The following PCDH11X variants were observed in gnomAD, a reference collection of about 807,000 sequenced individuals.
PCDH11X encodes protocadherin-11 X-linked.
PCDH11X carries 18 observed loss-of-function variants against 53.3 expected under a neutral mutation model. That is an observed-to-expected ratio of 0.34 (90% CI 0.23 to 0.50). PCDH11X has a LOEUF of 0.50. Among genes scored for constraint, PCDH11X ranks in the 20% least tolerant of loss-of-function variants. The pLI, the probability that PCDH11X is intolerant of heterozygous loss-of-function variation, is 0.98. For missense variants in PCDH11X, 570 were observed against 1,032.4 expected (o/e 0.55, Z 6.14); for synonymous variants, 279 against 393.3 (o/e 0.71, Z 3.44).
intron 6 of PCDH11X, among the ~76,000 whole-genome samples, chrX:92,116,689 G>C (rs776828564): frequency 9.0e-6 from 1 of 111,073 alleles, no homozygotes; most frequent in Admixed American, 9.7e-5. Flanking sequence ...AGGCTCAAGC[G>C]ATCCTCACTC....
At chrX:92,544,793 T>G (rs1373729635) in intron 10 of PCDH11X, among the ~76,000 whole-genome samples, 4 of 109,365 alleles carry the variant, frequency 3.7e-5, no homozygotes, top group Non-Finnish European at 7.6e-5. Context: ...TGGAGGAAAT[T>G]TACTGGTGTG....
chrX:92,305,722 C>A (rs1264243429), intron 8 of PCDH11X, among the ~76,000 whole-genome samples: 1 of 109,647 alleles, frequency 9.1e-6, no homozygotes, highest in African/African-American at 3.3e-5. Context: ...GTGGAATCTA[C>A]CTAGAGGAAG....
intron 6 of PCDH11X, among the ~76,000 whole-genome samples, chrX:92,080,966 C>G (rs112421281): frequency 9.0e-6 from 1 of 110,744 alleles, no homozygotes; most frequent in African/African-American, 3.3e-5. Context: ...GGGAAGACAT[C>G]TTTCACATGG....
chrX:92,508,105 G>A (rs1416168508), intron 10 of PCDH11X, among the ~76,000 whole-genome samples: 52 of 111,416 alleles, frequency 4.7e-4, no homozygotes, highest in African/African-American at 1.3e-3. Flanking sequence ...GTGAGCCACC[G>A]CACCCAGTCC....
intron 10 of PCDH11X, among the ~76,000 whole-genome samples, chrX:92,512,647 C>T (rs113339046): frequency 9.9e-4 from 111 of 111,938 alleles, no homozygotes; most frequent in African/African-American, 3.4e-3. Flanking sequence ...ACTGAGCCAG[C>T]GTGTCACAGT....
At chrX:91,933,704 T>G (rs1356774554) in intron 6 of PCDH11X, among the ~76,000 whole-genome samples, 1 of 111,575 alleles carries the variant, frequency 9.0e-6, no homozygotes, top group Non-Finnish European at 1.9e-5. Context: ...ATTTATGAAC[T>G]GCTTAGGTAG....
Position 92,211,796 on chromosome X carries a change from TTTTTG to T in PCDH11X, c.3114+10355_3114+10359del, listed in dbSNP as rs774523935. Among the ~76,000 whole-genome samples, 34 of 111,364 alleles carry T rather than the reference TTTTTG, an allele frequency of 3.1e-4. No homozygotes were observed. The East Asian group carries it at 8.8e-3, about 29-fold the overall frequency. ...AGAATGAGTCACACACCGATTTGAG[TTTTTG>T]TTTTGTTTTGTTTATAAACAAAGCA... On this transcript the variant is annotated intron_variant, in intron 7 of 10. Transcript: ENST00000682573.
chrX:92,163,920 C>T (rs1421125938), intron 6 of PCDH11X, among the ~76,000 whole-genome samples: 3 of 110,470 alleles, frequency 2.7e-5, no homozygotes, highest in African/African-American at 1.0e-4. Context: ...CAAAATAACG[C>T]AAAGTTTTAG....
At chrX:92,243,263 T>A (rs188167159) in intron 7 of PCDH11X, among the ~76,000 whole-genome samples, 174 of 112,272 alleles carry the variant, frequency 1.5e-3, no homozygotes, top group African/African-American at 5.2e-3. Context: ...TTGAATTAAA[T>A]TTTAAATTAA....
chrX:91,788,896 T>C (rs1240292290), intron 1 of PCDH11X, among the ~76,000 whole-genome samples: 1 of 112,085 alleles, frequency 8.9e-6, no homozygotes, highest in Admixed American at 9.5e-5. Context: ...TCATATTATA[T>C]ATTTAGAATA....
At chrX:92,138,568 T>C (rs2065122177) in intron 6 of PCDH11X, among the ~76,000 whole-genome samples, 1 of 111,094 alleles carries the variant, frequency 9.0e-6, no homozygotes, top group African/African-American at 3.3e-5. Context: ...ATTGGAAATA[T>C]AATATCAAAT....
chrX:92,102,180 T>C (rs1308552472), intron 6 of PCDH11X, among the ~76,000 whole-genome samples: 2 of 110,959 alleles, frequency 1.8e-5, no homozygotes, highest in East Asian at 5.7e-4. Context: ...AAAGAGTGAG[T>C]ACAGCTGAAG....
chrX:92,127,080 G>A (rs1350947347), intron 6 of PCDH11X, among the ~76,000 whole-genome samples: 4 of 110,148 alleles, frequency 3.6e-5, no homozygotes, highest in Non-Finnish European at 7.6e-5. Flanking sequence ...AATGATTTTA[G>A]GATAGTATGA....
At chrX:92,149,937 C>T (rs1179269299) in intron 6 of PCDH11X, among the ~76,000 whole-genome samples, 2 of 111,388 alleles carry the variant, frequency 1.8e-5, no homozygotes. Context: ...TACTTTATTC[C>T]TTTTTATTGC....
intron 8 of PCDH11X, among the ~76,000 whole-genome samples, chrX:92,354,706 A>G (rs1265398491): frequency 9.0e-6 from 1 of 111,458 alleles, no homozygotes; most frequent in Non-Finnish European, 1.9e-5. Context: ...TTTTTTCATC[A>G]CTAAGGCAAG....
intron 5 of PCDH11X, among the ~76,000 whole-genome samples, chrX:91,836,497 G>A (rs976794879): frequency 2.8e-5 from 3 of 108,131 alleles, no homozygotes; most frequent in Non-Finnish European, 5.7e-5. Flanking sequence ...ATCTATTTGA[G>A]AGGTGACTAG....
intron 6 of PCDH11X, among the ~76,000 whole-genome samples, chrX:91,937,199 A>G (rs2061455421): frequency 9.1e-6 from 1 of 110,303 alleles, no homozygotes; most frequent in South Asian, 3.8e-4. Context: ...CTATAGCTCA[A>G]TATACATGAC....
intron 7 of PCDH11X, among the ~76,000 whole-genome samples, chrX:92,257,624 G>C (rs1256499682): frequency 8.9e-6 from 1 of 112,281 alleles, no homozygotes; most frequent in African/African-American, 3.2e-5. Context: ...AAAAGAAAGG[G>C]GCTACAGACC....
chrX:91,962,278 A>G (rs894279201), intron 6 of PCDH11X, among the ~76,000 whole-genome samples: 5 of 111,828 alleles, frequency 4.5e-5, no homozygotes, highest in African/African-American at 6.6e-5. Flanking sequence ...CCTACATACA[A>G]TGAGTCAACA....
Sources: gnomAD v4.1 joint callset for allele counts (sites outside exome capture counted in the v4.1 genomes callset) on GRCh38, gnomAD v4.1.1 for gene constraint, MANE v1.5 for transcripts, NCBI Gene and HGNC (gene_info 2026-07-23, HGNC 2026-07-21) for gene names.